SEPTIN11: variants seen among roughly 807,000 people sequenced by gnomAD.
SEPTIN11 encodes septin 11.
Under a neutral mutation model 51.4 loss-of-function variants are expected in SEPTIN11, and 25 were observed. The ratio of observed to expected loss-of-function variants is 0.49; its 90% CI spans 0.35 to 0.68. The LOEUF is 0.68. SEPTIN11 is among the 30% of genes least tolerant of loss of function. The probability of loss-of-function intolerance (pLI) is 0.00; values close to 1 mark genes in which losing one functional copy is unlikely to be tolerated. For missense variants in SEPTIN11, 381 were observed against 520.8 expected, an observed-to-expected ratio of 0.73 and a Z score of 2.61; for synonymous variants, 174 against 184.1, an observed-to-expected ratio of 0.95 and a Z score of 0.44.
At chr4:76,991,719 G>C (rs1375436843) in intron 1 of SEPTIN11, among the ~76,000 whole-genome samples, 2 of 152,104 alleles carry the variant, frequency 1.3e-5, no homozygotes, top group African/African-American at 4.8e-5. Context: ...CGTAGTTGAC[G>C]CCATGGTATT....
At position 77,038,360 on chromosome 4, in the gene SEPTIN11, C is replaced by G; in HGVS notation, c.*3848C>G. ...TAACCAATGTGTTTTCTAAAACTGT[C>G]GTGTAATCTACTTTCATTGTTAATG... On this transcript the variant is annotated 3_prime_UTR_variant, in exon 10 of 10. Coordinates refer to ENST00000264893, the MANE Select transcript of SEPTIN11 (RefSeq NM_018243.4). 1.0e-6 allele frequency: 1 copy of G among 985,738 alleles called. No individual in the cohort carries two copies. The highest frequency in any genetic ancestry group is 1.2e-6 in the Non-Finnish European group (1 of 829,876). 61.1% of individuals were successfully genotyped at this position (985,738 alleles called of 1,614,324 possible).
chr4:77,006,053 C>T (rs933994103), intron 3 of SEPTIN11, among the ~76,000 whole-genome samples: 1 of 152,132 alleles, frequency 6.6e-6, no homozygotes, highest in African/African-American at 2.4e-5. Flanking sequence ...AATTAGCTTA[C>T]AACATCTTTC....
At chr4:77,022,225 A>C (rs1349320795) in intron 7 of SEPTIN11, among the ~76,000 whole-genome samples, 1 of 152,214 alleles carries the variant, frequency 6.6e-6, no homozygotes, top group African/African-American at 2.4e-5. Context: ...GAACAAAAGG[A>C]ACTGCCATAA....
intron 1 of SEPTIN11, among the ~76,000 whole-genome samples, chr4:76,957,757 C>T (rs147541725): frequency 7.9e-5 from 12 of 152,186 alleles, no homozygotes; most frequent in South Asian, 2.1e-4. Flanking sequence ...CTTAGAGGCA[C>T]GGATCAAGCA....
intron 1 of SEPTIN11, chr4:76,974,950 C>T: frequency 2.3e-6 from 1 of 435,024 alleles, no homozygotes; most frequent in Non-Finnish European, 4.6e-6. Context: ...TGACAAGACC[C>T]CATCTCTACT....
chr4:76,972,065 T>TTA (rs1425340893), intron 1 of SEPTIN11, among the ~76,000 whole-genome samples: 1 of 152,236 alleles, frequency 6.6e-6, no homozygotes, highest in African/African-American at 2.4e-5. Flanking sequence ...TTTTATGTGG[T>TTA]TATTGGCCAT....
chr4:77,031,063 T>C (rs1726592624), intron 9 of SEPTIN11, 93 bp downstream of exon 9: 1 of 1,165,212 alleles, frequency 8.6e-7, no homozygotes, highest in South Asian at 1.5e-5. Context: ...TGGAAACTGG[T>C]CCTTTACCAG....
At chr4:76,952,330 GTGAA>G (rs549787865) in intron 1 of SEPTIN11, among the ~76,000 whole-genome samples, 57 of 152,284 alleles carry the variant, frequency 3.7e-4, no homozygotes, top group African/African-American at 1.1e-3. Flanking sequence ...TGATTTATGT[GTGAA>G]TGGAATTTCC....
In SEPTIN11 at chr4:76,987,927, C is replaced by T. The variant is rs116688652; in HGVS notation, c.28-8498C>T. ...TTCTGTAAGGAGAAAAGACAGAGCT[C>T]AAAGGAGTGTACTGTACATGTCTCC... On this transcript the variant is annotated intron_variant, in intron 1 of 9. Coordinates refer to ENST00000264893, the MANE Select transcript of SEPTIN11 (RefSeq NM_018243.4). 1,167 of 575,202 alleles carry T rather than the reference C, an allele frequency of 2.0e-3. 9 individuals carry two copies. The African/African-American group carries it at 0.022, about 11-fold the overall frequency. The allele number at this position is 575,202 out of a possible 1,614,324, so 35.6% of individuals were successfully genotyped here.
intron 4 of SEPTIN11, among the ~76,000 whole-genome samples, 185 bp downstream of exon 4, chr4:77,012,106 C>A (rs981244611): frequency 2.9e-4 from 29 of 100,770 alleles, no homozygotes; most frequent in African/African-American, 4.6e-4. Flanking sequence ...TAAAACAAAA[C>A]AAAACTAGCA....
rs1013641240 is a variant in SEPTIN11 at position 77,037,779 on chromosome 4, A to C, written c.*3267A>C. 4 of 985,788 alleles carry C rather than the reference A, an allele frequency of 4.1e-6. No homozygotes were observed. In the African/African-American group the frequency reaches 7.0e-5, roughly 17 times the overall value. 61.1% of individuals were successfully genotyped at this position (985,788 alleles called of 1,614,324 possible). Reference sequence around the variant, plus strand: ...TGGCAGTTCAGATTGTGTTTTCCCAACTTAGGCTCTTTATTAATTGGTTAA... The same window carrying C: ...TGGCAGTTCAGATTGTGTTTTCCCACCTTAGGCTCTTTATTAATTGGTTAA... On this transcript the variant is annotated 3_prime_UTR_variant, in exon 10 of 10. Transcript: ENST00000264893.
At chr4:76,972,771 T>A (rs888100420) in intron 1 of SEPTIN11, among the ~76,000 whole-genome samples, 1 of 152,182 alleles carries the variant, frequency 6.6e-6, no homozygotes, top group Admixed American at 6.5e-5. Context: ...ATTTATAGAT[T>A]AAAATTCTCA....
intron 1 of SEPTIN11, among the ~76,000 whole-genome samples, chr4:76,989,619 A>ATT (rs1723243520): frequency 1.3e-5 from 2 of 152,246 alleles, no homozygotes; most frequent in African/African-American, 4.8e-5. Context: ...CTGGATTAAA[A>ATT]TACAGTCATG....
chr4:77,027,646 A>C (rs531402563), intron 7 of SEPTIN11, among the ~76,000 whole-genome samples: 13 of 152,352 alleles, frequency 8.5e-5, no homozygotes, highest in South Asian at 6.2e-4. Context: ...TCCATGGGAA[A>C]GGCAGATATA....
intron 2 of SEPTIN11, 58 bp from the exon 3 acceptor site, chr4:77,005,543 G>T: frequency 6.9e-7 from 1 of 1,442,628 alleles, no homozygotes; most frequent in South Asian, 1.3e-5. Context: ...CTGATGAATT[G>T]AACTGATGTC....
intron 1 of SEPTIN11, among the ~76,000 whole-genome samples, chr4:76,981,285 CA>C (rs1255128648): frequency 1.3e-5 from 2 of 152,144 alleles, no homozygotes; most frequent in African/African-American, 4.8e-5. Context: ...CTTTAAGAGA[CA>C]TTTTTAGTGG....
chr4:76,994,810 A>G (rs927848883), intron 1 of SEPTIN11, among the ~76,000 whole-genome samples: 3 of 152,090 alleles, frequency 2.0e-5, no homozygotes, highest in African/African-American at 7.2e-5. Context: ...TTGCTTGTTA[A>G]AAGAAATCAC....
chr4:76,999,326 T>C (rs1723954659), intron 2 of SEPTIN11, among the ~76,000 whole-genome samples: 1 of 152,198 alleles, frequency 6.6e-6, no homozygotes, highest in Non-Finnish European at 1.5e-5. Flanking sequence ...GGTCCATCTA[T>C]TTTTAAAATA....
intron 1 of SEPTIN11, among the ~76,000 whole-genome samples, chr4:76,972,191 A>G (rs1176382034): frequency 6.6e-6 from 1 of 152,090 alleles, no homozygotes; most frequent in African/African-American, 2.4e-5. Context: ...CCTTTATTGT[A>G]TGTGCAAATA....
Sources: allele counts gnomAD v4.1 joint callset (sites outside exome capture counted in the v4.1 genomes callset), GRCh38; gene constraint gnomAD v4.1.1; transcripts MANE v1.5; gene names NCBI Gene and HGNC (gene_info 2026-07-23, HGNC 2026-07-21).